The following RPTOR variants were observed in gnomAD, a reference collection of about 807,000 sequenced individuals.
RPTOR encodes the protein regulatory associated protein of MTOR complex 1.
In RPTOR, 21 loss-of-function variants were observed where a neutral mutation model predicts 169.9. The observed-to-expected ratio is 0.12, with a 90% CI of 0.09 to 0.18. The LOEUF (loss-of-function observed/expected upper bound fraction) is 0.18, where lower values mean the gene tolerates loss of function less well. Among genes scored for constraint, RPTOR ranks in the 10% least tolerant of loss-of-function variants. RPTOR has a pLI of 1.00. For missense variants in RPTOR, 1,133 were observed against 1,855.9 expected (o/e 0.61, Z 7.16); for synonymous variants, 732 against 753.2 (o/e 0.97, Z 0.46).
chr17:80,731,402 TA>T (rs931128996), intron 5 of RPTOR, among the ~76,000 whole-genome samples: 1,971 of 144,174 alleles, frequency 0.014, 25 homozygotes, highest in African/African-American at 0.035. Flanking sequence ...TCTGTTGTGT[TA>T]AAAAAAAAAA....
At chr17:80,578,007 A>G (rs1236647440) in intron 1 of RPTOR, among the ~76,000 whole-genome samples, 1 of 152,222 alleles carries the variant, frequency 6.6e-6, no homozygotes, top group Non-Finnish European at 1.5e-5. Flanking sequence ...CACAGAGTGC[A>G]GCATCCAGAC....
intron 1 of RPTOR, among the ~76,000 whole-genome samples, chr17:80,554,408 A>G (rs769456033): frequency 2.0e-5 from 3 of 152,046 alleles, no homozygotes; most frequent in Admixed American, 6.6e-5. Context: ...ACATACTTCA[A>G]CCAAAACAGT....
intron 20 of RPTOR, among the ~76,000 whole-genome samples, chr17:80,907,063 C>T (rs890139462): frequency 6.6e-5 from 10 of 152,200 alleles, no homozygotes; most frequent in African/African-American, 2.2e-4. Flanking sequence ...TTGACTTTCG[C>T]ACCCGCCTCC....
chr17:80,628,662 G>C (rs1390779883), intron 2 of RPTOR, among the ~76,000 whole-genome samples: 1 of 150,622 alleles, frequency 6.6e-6, no homozygotes, highest in African/African-American at 2.4e-5. Flanking sequence ...TTCTTTTAGA[G>C]ATGGGTGTCT....
chr17:80,549,794 A>G (rs1356179793), intron 1 of RPTOR, among the ~76,000 whole-genome samples: 1 of 152,196 alleles, frequency 6.6e-6, no homozygotes, highest in African/African-American at 2.4e-5. Context: ...GTAGACTGAC[A>G]GACACTCTGT....
chr17:80,615,172 G>A (rs532613969), intron 1 of RPTOR, among the ~76,000 whole-genome samples: 25 of 152,316 alleles, frequency 1.6e-4, no homozygotes, highest in Non-Finnish European at 2.9e-4. Flanking sequence ...GGTCCCTGAC[G>A]TTATGGTAGG....
At chr17:80,630,074 T>C (rs985834162) in intron 2 of RPTOR, among the ~76,000 whole-genome samples, 1 of 148,920 alleles carries the variant, frequency 6.7e-6, no homozygotes, top group African/African-American at 2.4e-5. Context: ...AAATGCATAT[T>C]GCCTGCCTTT....
intron 6 of RPTOR, among the ~76,000 whole-genome samples, chr17:80,781,484 T>G (rs2066941724): frequency 6.6e-6 from 1 of 152,180 alleles, no homozygotes; most frequent in Non-Finnish European, 1.5e-5. Flanking sequence ...AAATTTTTAA[T>G]AGGAAGAATT....
In RPTOR at chr17:80,884,973, G is replaced by A. The variant is rs1347744740; in HGVS notation, c.1843-35G>A. ...AAGGCAGGCTGCAGCATGGCCCGGT[G>A]TGGGACATGCCTGTGACCCCCCGCC... On this transcript the variant is annotated intron_variant, in intron 16 of 33. Transcript: ENST00000306801. 5.6e-6 allele frequency: 9 copies of A among 1,596,148 alleles called. No individual in the cohort carries two copies. In the African/African-American group the frequency reaches 1.2e-4, roughly 21 times the overall value.
At chr17:80,614,500 T>C (rs764800287) in intron 1 of RPTOR, among the ~76,000 whole-genome samples, 31 of 152,388 alleles carry the variant, frequency 2.0e-4, no homozygotes, top group Non-Finnish European at 4.0e-4. Context: ...GGCCTGTGTC[T>C]GTAGGTGAGG....
intron 13 of RPTOR, among the ~76,000 whole-genome samples, chr17:80,873,965 G>A (rs948247673): frequency 2.6e-5 from 4 of 152,172 alleles, no homozygotes; most frequent in East Asian, 1.9e-4. Context: ...ACTGAGCAGC[G>A]GGTACCCCAG....
intron 25 of RPTOR, among the ~76,000 whole-genome samples, chr17:80,942,744 G>T (rs554873893): frequency 6.6e-6 from 1 of 152,370 alleles, no homozygotes; most frequent in East Asian, 1.9e-4. Context: ...CCCAGGAGAC[G>T]GGGTTGGGAA....
chr17:80,727,970 A>G (rs1333635721), intron 4 of RPTOR, among the ~76,000 whole-genome samples: 2 of 152,190 alleles, frequency 1.3e-5, no homozygotes, highest in Non-Finnish European at 2.9e-5. Flanking sequence ...TTCACATTTT[A>G]TCCTGCTTTC....
chr17:80,681,662 G>GTTGAATTTCAT (rs1567854330), intron 3 of RPTOR, among the ~76,000 whole-genome samples: 22 of 85,154 alleles, frequency 2.6e-4, no homozygotes, highest in African/African-American at 8.0e-4. Context: ...CCTTCATGAG[G>GTTGAATTTCAT]TGTACGTCTC....
intron 1 of RPTOR, among the ~76,000 whole-genome samples, chr17:80,566,849 A>T (rs1019238726): frequency 5.3e-5 from 7 of 130,910 alleles, no homozygotes; most frequent in Non-Finnish European, 8.4e-5. Context: ...AAAAAAAAAA[A>T]AAAGAATGTA....
chr17:80,870,450 G>A (rs141768296), intron 13 of RPTOR, among the ~76,000 whole-genome samples: 10 of 152,326 alleles, frequency 6.6e-5, no homozygotes, highest in Non-Finnish European at 1.2e-4. Flanking sequence ...ACCACAGTTC[G>A]TGTATGCTGG....
chr17:80,738,333 AG>A (rs2066452213), intron 5 of RPTOR, among the ~76,000 whole-genome samples: 1 of 152,246 alleles, frequency 6.6e-6, no homozygotes, highest in Admixed American at 6.5e-5. Flanking sequence ...TGGCCGCCAA[AG>A]CTTTTGCTGC....
chr17:80,634,323 C>CTGTGTGTGTGCG (rs2065472164), intron 2 of RPTOR, among the ~76,000 whole-genome samples: 118 of 40,850 alleles, frequency 2.9e-3, no homozygotes, highest in Non-Finnish European at 4.3e-3. Context: ...CGTGTGCGTA[C>CTGTGTGTGTGCG]TATGTGCGTG....
chr17:80,845,306 G>A lies in RPTOR; in HGVS notation c.1213-1167G>A, dbSNP rs1181905678. Among the ~76,000 whole-genome samples the A allele has an allele frequency of 6.6e-6, 1 of 152,144 alleles. No homozygotes were observed. The highest frequency in any genetic ancestry group is 6.5e-5 in the Admixed American group (1 of 15,276). On this transcript the variant is annotated intron_variant, in intron 10 of 33. Coordinates refer to ENST00000306801, the MANE Select transcript of RPTOR (RefSeq NM_020761.3). This position sits in a 1 kb window ranked among gnomAD's most constrained non-coding sequence, Gnocchi z 5.4. The stretch of plus-strand genomic sequence containing the variant: ...TGTCACCCCCTCGAGGGGCCCTGAT[G>A]CCGCCTGACATTCTGACCCCAAGCA...
Sources: gnomAD v4.1 joint callset for allele counts (sites outside exome capture counted in the v4.1 genomes callset) on GRCh38, gnomAD v4.1.1 for gene constraint, Gnocchi (gnomAD v3.1) non-coding constraint, MANE v1.5 for transcripts, NCBI Gene and HGNC (gene_info 2026-07-23, HGNC 2026-07-21) for gene names.